GALM: variants seen among roughly 807,000 people sequenced by gnomAD.
GALM encodes galactose mutarotase.
GALM carries 43 observed loss-of-function variants against 37.4 expected under a neutral mutation model. The ratio of observed to expected loss-of-function variants is 1.15; its 90% CI spans 0.90 to 1.48. GALM has a LOEUF of 1.48. Ranked by LOEUF, GALM falls within the 40% of genes most tolerant of loss-of-function variation. The probability of loss-of-function intolerance (pLI) is 0.00; values close to 1 mark genes in which losing one functional copy is unlikely to be tolerated. For missense variants in GALM, 456 were observed against 419.1 expected, an observed-to-expected ratio of 1.09 and a Z score of -0.77; for synonymous variants, 199 against 170.6, an observed-to-expected ratio of 1.17 and a Z score of -1.30.
intron 4 of GALM, among the ~76,000 whole-genome samples, chr2:38,704,566 C>T (rs1268340816): frequency 6.6e-6 from 1 of 151,644 alleles, no homozygotes; most frequent in Non-Finnish European, 1.5e-5. Flanking sequence ...GTCCCAGCTA[C>T]TTATGAGGCT....
intron 4 of GALM, among the ~76,000 whole-genome samples, chr2:38,706,525 A>T (rs1666039106): frequency 6.7e-6 from 1 of 149,442 alleles, no homozygotes; most frequent in Non-Finnish European, 1.5e-5. Flanking sequence ...AAAAAAAAAA[A>T]AAAAATTAGC....
intron 4 of GALM, among the ~76,000 whole-genome samples, chr2:38,694,749 T>C (rs1346033496): frequency 2.0e-5 from 3 of 151,516 alleles, no homozygotes; most frequent in African/African-American, 7.3e-5. Flanking sequence ...ACAAAAAAAT[T>C]AGCCAGGCGT....
chr2:38,718,314 C>G (rs1301152900), intron 4 of GALM, among the ~76,000 whole-genome samples: 1 of 151,130 alleles, frequency 6.6e-6, no homozygotes, highest in African/African-American at 2.4e-5. Context: ...ATTCTCCTGC[C>G]TCAGCCTCCC....
intron 3 of GALM, among the ~76,000 whole-genome samples, chr2:38,684,707 C>T (rs575012607): frequency 3.3e-5 from 5 of 151,970 alleles, no homozygotes. Context: ...ATCAGGAGGC[C>T]GAGGCATGAG....
chr2:38,707,189 C>T (rs1666050346), intron 4 of GALM, among the ~76,000 whole-genome samples: 1 of 151,950 alleles, frequency 6.6e-6, no homozygotes, highest in South Asian at 2.1e-4. Flanking sequence ...GTACATCTCC[C>T]CTGTACACCT....
intron 4 of GALM, among the ~76,000 whole-genome samples, chr2:38,699,716 T>A (rs1252163041): frequency 6.6e-6 from 1 of 152,172 alleles, no homozygotes; most frequent in African/African-American, 2.4e-5. Context: ...ATTGTTTAAT[T>A]TCTGTGTATT....
At chr2:38,675,449 G>A (rs1323865075) in intron 1 of GALM, among the ~76,000 whole-genome samples, 1 of 150,492 alleles carries the variant, frequency 6.6e-6, no homozygotes, top group Non-Finnish European at 1.5e-5. Flanking sequence ...TGCCCAAGAT[G>A]TTACCATGTG....
chr2:38,733,588 G>T lies in GALM; in HGVS notation c.*23G>T. 1.9e-6 allele frequency: 3 copies of T among 1,579,600 alleles called. No individual in the cohort carries two copies. Among genetic ancestry groups the T allele is most frequent in the Non-Finnish European group, 2.6e-6 (3 of 1,148,804 alleles). On this transcript the variant is annotated 3_prime_UTR_variant, in exon 7 of 7. Coordinates refer to ENST00000272252, the MANE Select transcript of GALM (RefSeq NM_138801.3). Reference sequence around the variant, plus strand: ...TAAGGAAGTGTGAAGATATGATCCAGTCCAGGGCTAGGCTCAGCCACCTGT... The same window carrying T: ...TAAGGAAGTGTGAAGATATGATCCATTCCAGGGCTAGGCTCAGCCACCTGT...
Position 38,716,050 on chromosome 2 carries a change from A to C in GALM, c.635-13506A>C, listed in dbSNP as rs141666711. Among the ~76,000 whole-genome samples, 829 of 152,306 alleles carry C rather than the reference A, an allele frequency of 5.4e-3. 1 individual carries two copies. The highest frequency in any genetic ancestry group is 7.5e-3 in the Non-Finnish European group (511 of 68,014). ...GAGTTTAACTGCCAAACAGGTGAGC[A>C]GGATGCTCCTAGGAGGGTGGTAACA... On this transcript the variant is annotated intron_variant, in intron 4 of 6. Coordinates refer to ENST00000272252, the MANE Select transcript of GALM (RefSeq NM_138801.3).
At chr2:38,704,084 C>T (rs1489657004) in intron 4 of GALM, among the ~76,000 whole-genome samples, 1 of 151,422 alleles carries the variant, frequency 6.6e-6, no homozygotes, top group Admixed American at 6.6e-5. Flanking sequence ...ATGTAAAATC[C>T]TTTGTGAACT....
intron 4 of GALM, among the ~76,000 whole-genome samples, chr2:38,726,757 G>A (rs1666494546): frequency 6.6e-6 from 1 of 151,704 alleles, no homozygotes; most frequent in African/African-American, 2.4e-5. Context: ...TTAGCTGGGT[G>A]TGGTGGCAGG....
intron 2 of GALM, among the ~76,000 whole-genome samples, chr2:38,677,875 A>G (rs975373690): frequency 2.0e-5 from 3 of 151,966 alleles, no homozygotes; most frequent in African/African-American, 7.3e-5. Flanking sequence ...AGACAGGAAC[A>G]TGTGTGAACA....
At chr2:38,678,655 T>TGA (rs1207398860) in intron 2 of GALM, among the ~76,000 whole-genome samples, 19 of 152,318 alleles carry the variant, frequency 1.2e-4, no homozygotes, top group African/African-American at 4.6e-4. Context: ...AACTAGGGTG[T>TGA]AAAATGAATT....
chr2:38,708,250 G>A (rs1666080565), intron 4 of GALM, among the ~76,000 whole-genome samples: 1 of 151,938 alleles, frequency 6.6e-6, no homozygotes, highest in Admixed American at 6.6e-5. Flanking sequence ...ACAGTGAGCT[G>A]TGATCACGCC....
At chr2:38,668,622 A>T (rs1488058563) in intron 1 of GALM, 1 of 152,116 alleles carries the variant, frequency 6.6e-6, no homozygotes, top group Non-Finnish European at 1.5e-5. Context: ...AAACAAACAG[A>T]GGTAAATAAT....
chr2:38,672,480 G>T (rs1665134177), intron 1 of GALM, among the ~76,000 whole-genome samples: 1 of 152,120 alleles, frequency 6.6e-6, no homozygotes, highest in Admixed American at 6.6e-5. Context: ...AGAGAGATCA[G>T]CCTGGCCTGT....
intron 5 of GALM, 73 bp downstream of exon 5, chr2:38,729,770 C>A: frequency 1.6e-6 from 2 of 1,280,240 alleles, no homozygotes; most frequent in Non-Finnish European, 2.2e-6. Flanking sequence ...TGGAGCTTTT[C>A]CTCTGGCCAT....
intron 4 of GALM, among the ~76,000 whole-genome samples, chr2:38,712,686 T>C (rs1443716756): frequency 6.6e-6 from 1 of 152,190 alleles, no homozygotes; most frequent in African/African-American, 2.4e-5. Flanking sequence ...TGAAAGCCTC[T>C]ATGTTCCCAC....
At chr2:38,680,400 A>G (rs1665368242) in intron 2 of GALM, among the ~76,000 whole-genome samples, 1 of 152,220 alleles carries the variant, frequency 6.6e-6, no homozygotes, top group African/African-American at 2.4e-5. Context: ...TGGAACAAGA[A>G]GAAACTTCGA....
Sources: gnomAD v4.1 joint callset for allele counts (sites outside exome capture counted in the v4.1 genomes callset) on GRCh38, gnomAD v4.1.1 for gene constraint, MANE v1.5 for transcripts, NCBI Gene and HGNC (gene_info 2026-07-23, HGNC 2026-07-21) for gene names.